DACH2: variants seen among roughly 807,000 people sequenced by gnomAD.
DACH2 encodes the protein dachshund family transcription factor 2, also known as dachshund homolog 2.
A neutral mutation model predicts 35.8 loss-of-function variants in DACH2; 17 were observed. That is an observed-to-expected ratio of 0.48 (90% confidence interval 0.33 to 0.71). The LOEUF is 0.71. DACH2 is among the 30% of genes least tolerant of loss of function. The pLI, the probability that DACH2 is intolerant of heterozygous loss-of-function variation, is 0.02. For missense variants in DACH2, 469 were observed against 472.7 expected, an observed-to-expected ratio of 0.99 and a Z score of 0.07; for synonymous variants, 195 against 177.3, an observed-to-expected ratio of 1.10 and a Z score of -0.79.
intron 3 of DACH2, among the ~76,000 whole-genome samples, chrX:86,555,014 G>T (rs1263892608): frequency 9.1e-6 from 1 of 110,325 alleles, no homozygotes; most frequent in African/African-American, 3.3e-5. Flanking sequence ...TCTAGCTCAT[G>T]ATGAGCTCAA....
chrX:86,614,187 G>A (rs767037254), intron 3 of DACH2, among the ~76,000 whole-genome samples: 8 of 111,228 alleles, frequency 7.2e-5, no homozygotes, highest in South Asian at 7.4e-4. Flanking sequence ...TTATCTAGAC[G>A]GATAAGTGAG....
chrX:86,263,093 T>G, intron 1 of DACH2: 4 of 465,631 alleles, frequency 8.6e-6, no homozygotes, highest in Non-Finnish European at 1.1e-5. Context: ...GACCAGCTGC[T>G]GCAGGACATT....
Position 86,529,979 on chromosome X carries a change from A to ACACACACG in DACH2, c.640+15595_640+15596insGCACACAC, listed in dbSNP as rs1556296750. On this transcript the variant is annotated intron_variant, in intron 3 of 11. Transcript: ENST00000373125. ...CACACACACACACACACACACACGCACACACACACACACACACACACACAC... is the reference window on the plus strand; with the variant it reads ...CACACACACACACACACACACACGCACACACACGCACACACACACACACACACACACAC... Among the ~76,000 whole-genome samples, 38 of 65,865 alleles carry ACACACACG rather than the reference A, an allele frequency of 5.8e-4. No homozygotes were observed. In the East Asian group the frequency reaches 6.9e-3, roughly 12 times the overall value. 57.2% of individuals were successfully genotyped at this position (65,865 alleles called of 115,157 possible).
chrX:86,601,140 G>A (rs897317764), intron 3 of DACH2, among the ~76,000 whole-genome samples: 7 of 111,261 alleles, frequency 6.3e-5, no homozygotes, highest in African/African-American at 2.3e-4. Flanking sequence ...CCTATTCATG[G>A]TATTCGGAAT....
chrX:86,630,075 T>C (rs969300349), intron 3 of DACH2, among the ~76,000 whole-genome samples: 3 of 111,130 alleles, frequency 2.7e-5, no homozygotes, highest in African/African-American at 9.8e-5. Flanking sequence ...TTAAAAGAAA[T>C]AGATTTAGTG....
At chrX:86,704,131 C>T (rs1468600144) in intron 5 of DACH2, among the ~76,000 whole-genome samples, 1 of 111,324 alleles carries the variant, frequency 9.0e-6, no homozygotes, top group African/African-American at 3.3e-5. Flanking sequence ...ACCAATGAAA[C>T]AGAATAGAGA....
chrX:86,314,779 A>G lies in DACH2; in HGVS notation c.489-62045A>G, dbSNP rs1039501665. On this transcript the variant is annotated intron_variant, in intron 1 of 11. Coordinates refer to ENST00000373125, the MANE Select transcript of DACH2 (RefSeq NM_053281.3). ...AACATTCCCTTAAGCCAAAGCCTAA[A>G]CCAGAGCAAAGCCCTACCTCTCTTC... is the stretch of plus-strand genomic sequence containing the variant. Among the ~76,000 whole-genome samples the G allele has an allele frequency of 6.3e-5, 7 of 111,959 alleles. 1 individual carries two copies. The highest frequency in any genetic ancestry group is 3.8e-4 in the Admixed American group (4 of 10,491).
chrX:86,457,682 A>G (rs894839502), intron 2 of DACH2, among the ~76,000 whole-genome samples: 1 of 112,474 alleles, frequency 8.9e-6, no homozygotes, highest in African/African-American at 3.2e-5. Context: ...AATAAGTACT[A>G]TGAAGAAAAA....
chrX:86,173,270 G>T (rs2031185585), intron 1 of DACH2, among the ~76,000 whole-genome samples: 1 of 112,041 alleles, frequency 8.9e-6, no homozygotes, highest in Non-Finnish European at 1.9e-5. Flanking sequence ...CGTTGAAAAA[G>T]AGATTATATT....
intron 3 of DACH2, among the ~76,000 whole-genome samples, chrX:86,648,719 T>A (rs960170566): frequency 1.8e-5 from 2 of 110,798 alleles, no homozygotes; most frequent in Non-Finnish European, 3.8e-5. Flanking sequence ...GCTCATCAAG[T>A]TGTACACATT....
At chrX:86,779,393 G>T (rs2042068339) in intron 7 of DACH2, among the ~76,000 whole-genome samples, 2 of 111,509 alleles carry the variant, frequency 1.8e-5, no homozygotes, top group Non-Finnish European at 3.8e-5. Context: ...GAATGTAGTA[G>T]ACGATACAAT....
At chrX:86,334,864 G>C (rs758804930) in intron 1 of DACH2, among the ~76,000 whole-genome samples, 1 of 111,565 alleles carries the variant, frequency 9.0e-6, no homozygotes, top group Non-Finnish European at 1.9e-5. Flanking sequence ...ATTGCCTAGC[G>C]TTTCTTCTAG....
At chrX:86,315,455 C>A (rs931178695) in intron 1 of DACH2, among the ~76,000 whole-genome samples, 2 of 111,849 alleles carry the variant, frequency 1.8e-5, no homozygotes, top group Non-Finnish European at 3.8e-5. Context: ...GATCAAGGAG[C>A]AATTTCGATG....
At chrX:86,231,213 G>A (rs1006727463) in intron 1 of DACH2, among the ~76,000 whole-genome samples, 20 of 112,295 alleles carry the variant, frequency 1.8e-4, no homozygotes, top group Non-Finnish European at 3.0e-4. Context: ...AGGGTTCTTA[G>A]CTTTGGTGGT....
chrX:86,788,825 C>A (rs941815340), intron 7 of DACH2, among the ~76,000 whole-genome samples: 3 of 110,753 alleles, frequency 2.7e-5, no homozygotes, highest in Admixed American at 9.6e-5. Flanking sequence ...TTTTTTTAAC[C>A]TCCTTGATAA....
chrX:86,523,628 G>A (rs2038590541), intron 3 of DACH2, among the ~76,000 whole-genome samples: 1 of 110,648 alleles, frequency 9.0e-6, no homozygotes, highest in East Asian at 2.8e-4. Context: ...CTGAAAAATG[G>A]GTGCTGCTGA....
At chrX:86,199,279 G>A (rs1250378432) in intron 1 of DACH2, among the ~76,000 whole-genome samples, 1 of 111,326 alleles carries the variant, frequency 9.0e-6, no homozygotes, top group Non-Finnish European at 1.9e-5. Flanking sequence ...AATAATAGGA[G>A]CCATCTCTGA....
At chrX:86,230,345 T>G (rs1020331841) in intron 1 of DACH2, among the ~76,000 whole-genome samples, 7 of 111,216 alleles carry the variant, frequency 6.3e-5, no homozygotes, top group African/African-American at 2.3e-4. Context: ...TTTGATATGT[T>G]GTGGTTGATA....
chrX:86,297,586 A>T (rs1447568268), intron 1 of DACH2, among the ~76,000 whole-genome samples: 2 of 111,936 alleles, frequency 1.8e-5, no homozygotes, highest in African/African-American at 6.5e-5. Context: ...CTGTTAAATT[A>T]CTCTACTACA....
Sources: gnomAD v4.1 joint callset for allele counts (sites outside exome capture counted in the v4.1 genomes callset) on GRCh38, gnomAD v4.1.1 for gene constraint, MANE v1.5 for transcripts, NCBI Gene and HGNC (gene_info 2026-07-23, HGNC 2026-07-21) for gene names.